Variants in VAV2 observed in about 807,000 individuals in gnomAD.
The protein encoded by VAV2 is vav guanine nucleotide exchange factor 2.
A neutral mutation model predicts 132.5 loss-of-function variants in VAV2; 67 were observed. The ratio of observed to expected loss-of-function variants is 0.51; its 90% CI spans 0.42 to 0.62. The LOEUF is 0.62. Among genes scored for constraint, VAV2 ranks in the 20% least tolerant of loss-of-function variants. The pLI, the probability that VAV2 is intolerant of heterozygous loss-of-function variation, is 0.00. For missense variants in VAV2, 938 were observed against 1,153.6 expected (o/e 0.81, Z 2.71); for synonymous variants, 492 against 443.5 (o/e 1.11, Z -1.37).
intron 1 of VAV2, among the ~76,000 whole-genome samples, chr9:133,974,670 C>T (rs570454906): frequency 3.3e-5 from 5 of 152,270 alleles, no homozygotes; most frequent in Admixed American, 3.3e-4. Flanking sequence ...GCTCCCTTAA[C>T]GTGGTCCTCT....
At chr9:133,764,643 G>C (rs1341400574) in intron 29 of VAV2, among the ~76,000 whole-genome samples, 3 of 151,988 alleles carry the variant, frequency 2.0e-5, no homozygotes, top group Non-Finnish European at 2.9e-5. Flanking sequence ...TCCAATAGAG[G>C]GATTTAGACA....
At chr9:133,948,850 C>T (rs1216774905) in intron 1 of VAV2, among the ~76,000 whole-genome samples, 1 of 152,242 alleles carries the variant, frequency 6.6e-6, no homozygotes, top group East Asian at 1.9e-4. Flanking sequence ...GGAGAAACGG[C>T]TCAGGGACCA....
intron 2 of VAV2, among the ~76,000 whole-genome samples, chr9:133,889,461 C>A (rs1373850869): frequency 6.6e-6 from 1 of 152,104 alleles, no homozygotes; most frequent in African/African-American, 2.4e-5. Context: ...GTTCCCTTCT[C>A]TCCCCAAGGC....
intron 2 of VAV2, among the ~76,000 whole-genome samples, chr9:133,890,281 C>T (rs1838879496): frequency 2.6e-5 from 4 of 152,248 alleles, no homozygotes; most frequent in Admixed American, 2.6e-4. Context: ...ACCGCGACCA[C>T]ACGGAGCCTT....
intron 29 of VAV2, among the ~76,000 whole-genome samples, chr9:133,766,955 G>A (rs1480174031): frequency 6.6e-6 from 1 of 151,628 alleles, no homozygotes; most frequent in Non-Finnish European, 1.5e-5. Flanking sequence ...CTCATTTAAG[G>A]TAACCTCTAG....
At chr9:133,831,666 C>T (rs949113931) in intron 4 of VAV2, among the ~76,000 whole-genome samples, 1 of 152,176 alleles carries the variant, frequency 6.6e-6, no homozygotes, top group South Asian at 2.1e-4. Context: ...TGGGCCCCAT[C>T]GTCCCGGAGC....
intron 7 of VAV2, 117 bp from the exon 8 acceptor site, chr9:133,807,443 C>G (rs1373199818): frequency 3.0e-6 from 3 of 1,014,878 alleles, no homozygotes; most frequent in Non-Finnish European, 4.2e-6. Context: ...GTGCTCCATG[C>G]TTACTGGGGT....
chr9:133,833,827 C>T lies in VAV2; in HGVS notation c.449+445G>A, dbSNP rs868395622. Among the ~76,000 whole-genome samples, 8 of 151,910 alleles carry T rather than the reference C, an allele frequency of 5.3e-5. No individual in the cohort carries two copies. The highest frequency in any genetic ancestry group is 1.0e-4 in the Non-Finnish European group (7 of 67,938). Reference sequence around the variant, plus strand: ...TGCCTGCCGGGCCACGTGTTAACCCCGAGCCCACACACTCCTGTGCCCTGA... The same window carrying T: ...TGCCTGCCGGGCCACGTGTTAACCCTGAGCCCACACACTCCTGTGCCCTGA... On this transcript the variant is annotated intron_variant, in intron 4 of 29. Transcript: ENST00000371850. This position sits in a 1 kb window ranked among gnomAD's most constrained non-coding sequence, Gnocchi z 5.6.
chr9:133,787,371 AC>A (rs34280153), intron 15 of VAV2, 111 bp from the exon 16 acceptor site: 171 of 1,265,070 alleles, frequency 1.4e-4, no homozygotes, highest in Admixed American at 6.1e-4. Context: ...CAGGTGGAAC[AC>A]CCCCCAGTGC....
chr9:133,925,983 T>A (rs1588379588), intron 2 of VAV2: 1 of 111,952 alleles, frequency 8.9e-6, no homozygotes, highest in South Asian at 2.9e-4. Flanking sequence ...AAAACTTAAT[T>A]AACTGTGGAC....
chr9:133,793,521 A>G (rs1273930585), intron 12 of VAV2, among the ~76,000 whole-genome samples: 1 of 152,200 alleles, frequency 6.6e-6, no homozygotes, highest in Non-Finnish European at 1.5e-5. Flanking sequence ...ATAAATTCCC[A>G]GAGACAAGGA....
chr9:133,972,590 A>G (rs1842374485), intron 1 of VAV2, among the ~76,000 whole-genome samples: 1 of 152,218 alleles, frequency 6.6e-6, no homozygotes, highest in Non-Finnish European at 1.5e-5. Flanking sequence ...CTTAAGAAAC[A>G]GAAGAGGGAA....
In VAV2 at chr9:133,926,040, T is replaced by G; in HGVS notation, c.321+13063A>C. On this transcript the variant is annotated intron_variant, in intron 2 of 29. Transcript: ENST00000371850. This position sits in a 1 kb window ranked among gnomAD's most constrained non-coding sequence, Gnocchi z 4.3. ...AAAAAAAAAAAAAAGCATGCACCAG[T>G]TGCACCAGGACCAGCTAAGAAAATG... 2 of 140,800 alleles carry G rather than the reference T, an allele frequency of 1.4e-5. No homozygotes were observed. The highest frequency in any genetic ancestry group is 1.5e-5 in the Non-Finnish European group (1 of 66,070). 8.7% of individuals were successfully genotyped at this position (140,800 alleles called of 1,614,324 possible).
chr9:133,920,841 A>G (rs896296923), intron 2 of VAV2, among the ~76,000 whole-genome samples: 31 of 152,256 alleles, frequency 2.0e-4, no homozygotes, highest in African/African-American at 7.5e-4. Flanking sequence ...GAGGTCCCTG[A>G]AGGTCATGTC....
chr9:133,832,685 A>G (rs562252226), intron 4 of VAV2, among the ~76,000 whole-genome samples: 6 of 152,022 alleles, frequency 3.9e-5, no homozygotes, highest in Non-Finnish European at 8.8e-5. Flanking sequence ...CAGCCTCCCA[A>G]GTAGCTGGGA....
chr9:133,920,706 C>A (rs969059114), intron 2 of VAV2, among the ~76,000 whole-genome samples: 1 of 152,062 alleles, frequency 6.6e-6, no homozygotes, highest in East Asian at 1.9e-4. Flanking sequence ...CGGCTCAAGG[C>A]GGGGGATGCT....
chr9:133,949,926 T>C (rs987129718), intron 1 of VAV2, among the ~76,000 whole-genome samples: 2 of 152,210 alleles, frequency 1.3e-5, no homozygotes, highest in Non-Finnish European at 2.9e-5. Flanking sequence ...AGTCTGCTCC[T>C]GTGCAGCCTG....
chr9:133,796,569 C>A (rs546106940), intron 10 of VAV2, 45 bp from the exon 11 acceptor site: 17 of 1,562,258 alleles, frequency 1.1e-5, no homozygotes, highest in Non-Finnish European at 1.4e-5. Context: ...CCGAGGAAAG[C>A]CTGAACCCAC....
chr9:133,845,952 T>G (rs896397272), intron 3 of VAV2, among the ~76,000 whole-genome samples: 1 of 152,206 alleles, frequency 6.6e-6, no homozygotes, highest in Non-Finnish European at 1.5e-5. Context: ...CACCAGCCTC[T>G]GTCCATTGGT....
Sources: allele counts gnomAD v4.1 joint callset (sites outside exome capture counted in the v4.1 genomes callset), GRCh38; gene constraint gnomAD v4.1.1; non-coding constraint Gnocchi (gnomAD v3.1); transcripts MANE v1.5; gene names NCBI Gene and HGNC (gene_info 2026-07-23, HGNC 2026-07-21).